ZNF487: variants seen among roughly 807,000 people sequenced by gnomAD.
ZNF487 encodes zinc finger protein 487.
Under a neutral mutation model 3.0 loss-of-function variants are expected in ZNF487, and 4 were observed. That is an observed-to-expected ratio of 1.35 (90% confidence interval 0.66 to 3.08). ZNF487 has a LOEUF of 3.08. Ranked by LOEUF, ZNF487 falls within the 30% of genes most tolerant of loss-of-function variation. The pLI is 0.01. For synonymous variants in ZNF487, 55 were observed against 34.6 expected (o/e 1.59, Z -2.06); for missense variants, 146 against 98.7 (o/e 1.48, Z -2.03).
chr10:43,516,559 T>G, the ZNF487 span, among the ~76,000 whole-genome samples: 2 of 152,188 alleles, frequency 1.3e-5, no homozygotes, highest in African/African-American at 4.8e-5. Flanking sequence ...ACAGGCTGTC[T>G]GCATGCTGAG....
At chr10:43,490,246 G>C in the ZNF487 span, among the ~76,000 whole-genome samples, 1 of 152,100 alleles carries the variant, frequency 6.6e-6, no homozygotes, top group South Asian at 2.1e-4. Context: ...CAGCTACTCG[G>C]GAGGCTGAGG....
chr10:43,437,036 T>C, upstream of ZNF487: 2 of 339,340 alleles, frequency 5.9e-6, no homozygotes, highest in Admixed American at 3.7e-5. Flanking sequence ...CAGCAAGGCT[T>C]CCGGAAGCGC....
intron 2 of ZNF487, 129 bp from the exon 3 acceptor site, chr10:43,475,978 C>T: frequency 1.5e-6 from 1 of 664,650 alleles, no homozygotes; most frequent in Admixed American, 2.3e-5. Context: ...TTGATCCCTT[C>T]TGGGCACTGT....
At chr10:43,440,662 A>AAAAAAAAG (rs1457992753) in intron 1 of ZNF487, among the ~76,000 whole-genome samples, 3 of 151,864 alleles carry the variant, frequency 2.0e-5, no homozygotes, top group Non-Finnish European at 4.4e-5. Flanking sequence ...TGTCTCAAAA[A>AAAAAAAAG]AAAAAAAGAA....
intron 1 of ZNF487, among the ~76,000 whole-genome samples, chr10:43,441,420 C>T (rs1384235801): frequency 5.9e-5 from 9 of 151,788 alleles, no homozygotes; most frequent in South Asian, 4.2e-4. Flanking sequence ...CACCTGCCAC[C>T]GGGCCCGGCT....
In ZNF487 at chr10:43,460,380, CTTTTTTTTTTT is replaced by C. The variant is rs199998705; in HGVS notation, c.-93-15331_-93-15321del. On this transcript the variant is annotated intron_variant, in intron 1 of 3. Coordinates refer to ENST00000437590, the MANE Select transcript of ZNF487 (RefSeq NM_001355444.3). ...AAAGAGTCTGTTGTTTTCTTTCTTT[CTTTTTTTTTTT>C]TTTTTTTTTGAGACCAAGTTGTCGC... Among the ~76,000 whole-genome samples, 28 of 121,132 alleles carry C rather than the reference CTTTTTTTTTTT, an allele frequency of 2.3e-4. No homozygotes were observed. The South Asian group carries it at 6.4e-3, about 28-fold the overall frequency. 79.5% of individuals were successfully genotyped at this position (121,132 alleles called of 152,430 possible). A position where few individuals can be genotyped will look rare whatever the true frequency, so the allele number is the denominator to read the frequency against.
intron 1 of ZNF487, among the ~76,000 whole-genome samples, chr10:43,465,677 G>A (rs567414054): frequency 4.0e-4 from 60 of 150,856 alleles, no homozygotes; most frequent in African/African-American, 1.4e-3. Flanking sequence ...GATGGCGGGC[G>A]GGCAGAGACG....
the ZNF487 span, among the ~76,000 whole-genome samples, chr10:43,503,103 T>C: frequency 1.5e-3 from 229 of 151,224 alleles, 1 homozygote; most frequent in African/African-American, 5.3e-3. Context: ...CAGAAGGCAC[T>C]GTTATCATAG....
chr10:43,496,266 G>A, the ZNF487 span, among the ~76,000 whole-genome samples: 5 of 152,120 alleles, frequency 3.3e-5, no homozygotes, highest in Admixed American at 1.3e-4. Context: ...AGGAGACCCT[G>A]GGCTGTAGGT....
At chr10:43,471,251 C>T (rs1048802845) in intron 1 of ZNF487, among the ~76,000 whole-genome samples, 20 of 152,278 alleles carry the variant, frequency 1.3e-4, no homozygotes, top group African/African-American at 2.6e-4. Context: ...CTGGCTGCTC[C>T]GGGCACTGGC....
chr10:43,496,706 G>A, the ZNF487 span, among the ~76,000 whole-genome samples: 1 of 152,162 alleles, frequency 6.6e-6, no homozygotes, highest in Non-Finnish European at 1.5e-5. Context: ...AGAAGTCCAA[G>A]ACCAGGGTGC....
At chr10:43,480,023 CTTTCTTTCTTTCTTTCTTTCTT>C (rs1841280110) in intron 3 of ZNF487, among the ~76,000 whole-genome samples, 3 of 68,590 alleles carry the variant, frequency 4.4e-5, no homozygotes, top group Admixed American at 3.6e-4. Context: ...TTCTTTCTTT[CTTTCTTTCTTTCTTTCTTTCTT>C]TTTCTTTCTT....
the ZNF487 span, among the ~76,000 whole-genome samples, chr10:43,499,234 C>T: frequency 6.6e-6 from 1 of 150,888 alleles, no homozygotes; most frequent in African/African-American, 2.4e-5. Flanking sequence ...GAATCAGACC[C>T]AAAAAGGGTA....
chr10:43,439,451 C>T (rs932874604), intron 1 of ZNF487, among the ~76,000 whole-genome samples: 1 of 151,854 alleles, frequency 6.6e-6, no homozygotes. Context: ...GCCTGTAATC[C>T]CAGCACTTGG....
chr10:43,437,161 T>C lies in ZNF487; in HGVS notation c.-195T>C, dbSNP rs1839416684. 3.6e-6 allele frequency: 1 copy of C among 278,690 alleles called. No individual in the cohort carries two copies. Among genetic ancestry groups the C allele is most frequent in the South Asian group, 2.6e-5 (1 of 37,930 alleles). The allele number at this position is 278,690 out of a possible 1,614,324, so 17.3% of individuals were successfully genotyped here. ...GTGAGATGGTCAACAAGCCTGTAAG[T>C]TCCTCAGCTACGACTACCAGGTACC... is the stretch of plus-strand genomic sequence containing the variant. On this transcript the variant is annotated 5_prime_UTR_variant, in exon 1 of 4. Transcript: ENST00000437590.
the ZNF487 span, among the ~76,000 whole-genome samples, chr10:43,494,903 C>A: frequency 1.4e-5 from 2 of 147,102 alleles, no homozygotes; most frequent in Non-Finnish European, 3.0e-5. Context: ...CACCACTGCA[C>A]TCCAGCCTGG....
intron 1 of ZNF487, among the ~76,000 whole-genome samples, chr10:43,463,246 T>A (rs1400432948): frequency 7.2e-6 from 1 of 138,774 alleles, no homozygotes; most frequent in African/African-American, 2.7e-5. Flanking sequence ...AAAAAAAAAA[T>A]TTTCTTTTTG....
the ZNF487 span, among the ~76,000 whole-genome samples, chr10:43,502,480 A>G: frequency 6.6e-6 from 1 of 152,072 alleles, no homozygotes; most frequent in Non-Finnish European, 1.5e-5. Flanking sequence ...TATGTAACAA[A>G]CCTGCACATT....
the ZNF487 span, among the ~76,000 whole-genome samples, chr10:43,498,092 T>TAC: frequency 4.7e-5 from 1 of 21,246 alleles, no homozygotes; most frequent in Non-Finnish European, 8.4e-5. Context: ...TATATATATA[T>TAC]ATATATATTT....
Sources: allele counts gnomAD v4.1 joint callset (sites outside exome capture counted in the v4.1 genomes callset), GRCh38; gene constraint gnomAD v4.1.1; transcripts MANE v1.5; gene names NCBI Gene and HGNC (gene_info 2026-07-23, HGNC 2026-07-21).